ATL2: variants seen among roughly 807,000 people sequenced by gnomAD.
ATL2 encodes the protein atlastin GTPase 2, also known as atlastin-2.
ATL2 carries 31 observed loss-of-function variants against 73.9 expected under a neutral mutation model. The ratio of observed to expected loss-of-function variants is 0.42; its 90% CI spans 0.32 to 0.57. The LOEUF is 0.57. ATL2 is among the 20% of genes least tolerant of loss of function. The pLI is 0.14. For synonymous variants in ATL2, 291 were observed against 237.5 expected, an observed-to-expected ratio of 1.23 and a Z score of -2.07; for missense variants, 738 against 702.6, an observed-to-expected ratio of 1.05 and a Z score of -0.57.
At chr2:38,355,237 C>G (rs1457767320) in intron 1 of ATL2, among the ~76,000 whole-genome samples, 1 of 152,094 alleles carries the variant, frequency 6.6e-6, no homozygotes, top group East Asian at 1.9e-4. Context: ...AGCAATTCTC[C>G]TGTCTCAGCC....
chr2:38,378,388 C>T (rs1182206377), upstream of ATL2, among the ~76,000 whole-genome samples: 3 of 152,132 alleles, frequency 2.0e-5, no homozygotes, highest in Admixed American at 1.3e-4. Context: ...TACAGTCCCC[C>T]GCCACCACAC....
chr2:38,321,063 G>A (rs897873596), intron 2 of ATL2, among the ~76,000 whole-genome samples: 1 of 152,168 alleles, frequency 6.6e-6, no homozygotes, highest in African/African-American at 2.4e-5. Context: ...GCTGAGGGAG[G>A]AGAATCGCTT....
At chr2:38,323,775 C>T (rs995571623) in intron 2 of ATL2, among the ~76,000 whole-genome samples, 1 of 152,120 alleles carries the variant, frequency 6.6e-6, no homozygotes, top group African/African-American at 2.4e-5. Context: ...AGCAATGGCA[C>T]GATCATAGCT....
At chr2:38,327,889 T>A (rs1041638108) in intron 2 of ATL2, among the ~76,000 whole-genome samples, 1 of 152,160 alleles carries the variant, frequency 6.6e-6, no homozygotes, top group African/African-American at 2.4e-5. Context: ...TGAGCCGAGA[T>A]TGTGCCACCG....
intron 1 of ATL2, among the ~76,000 whole-genome samples, chr2:38,344,128 T>C (rs1223868377): frequency 6.6e-6 from 1 of 152,164 alleles, no homozygotes; most frequent in Non-Finnish European, 1.5e-5. Context: ...TCATTGAGAA[T>C]GTTCATGTCA....
intron 9 of ATL2, among the ~76,000 whole-genome samples, chr2:38,305,496 C>A (rs888938927): frequency 6.6e-6 from 1 of 152,088 alleles, no homozygotes; most frequent in Non-Finnish European, 1.5e-5. Context: ...TTGCAGTGAG[C>A]CGAGACTGCT....
At chr2:38,343,538 G>C in intron 1 of ATL2, 26 bp from the exon 2 acceptor site, 1 of 1,591,248 alleles carries the variant, frequency 6.3e-7, no homozygotes, top group Non-Finnish European at 8.6e-7. Flanking sequence ...AAAGAAACTG[G>C]TTACTTTAAT....
intron 1 of ATL2, among the ~76,000 whole-genome samples, chr2:38,346,807 C>G (rs1461200571): frequency 6.6e-6 from 1 of 152,034 alleles, no homozygotes; most frequent in Admixed American, 6.6e-5. Flanking sequence ...GTCCACGGCC[C>G]TAGGGTTGGG....
chr2:38,295,963 A>T lies in ATL2; in HGVS notation c.*31T>A. ...CATTGTACAGCAAGCATGAAAAAAA[A>T]AGAGAGTGGAGTCCGTGAGGAGATG... On this transcript the variant is annotated 3_prime_UTR_variant, in exon 13 of 13. Transcript: ENST00000378954. The T allele has an allele frequency of 6.7e-7, 1 of 1,484,950 alleles. No homozygotes were observed. Among genetic ancestry groups the T allele is most frequent in the Non-Finnish European group, 9.1e-7 (1 of 1,096,100 alleles). 92.0% of individuals were successfully genotyped at this position (1,484,950 alleles called of 1,614,324 possible).
rs146678818 is a variant in ATL2, at chr2:38,363,759, T to C, written c.118+13384A>G. ...CTGGTAACTAGAGAGCAAGGCACTA[T>C]ACTAGACAGAAGTATAATTCAATAA... On this transcript the variant is annotated intron_variant, in intron 1 of 12. Coordinates refer to ENST00000378954, the MANE Select transcript of ATL2 (RefSeq NM_001135673.4). 1.8e-3 allele frequency among the ~76,000 whole-genome samples: 270 copies of C among 152,330 alleles called. 3 individuals carry two copies. The highest frequency in any genetic ancestry group is 6.3e-3 in the African/African-American group (262 of 41,580).
intron 4 of ATL2, among the ~76,000 whole-genome samples, chr2:38,316,679 A>G (rs1668041174): frequency 6.6e-6 from 1 of 152,218 alleles, no homozygotes; most frequent in Non-Finnish European, 1.5e-5. Flanking sequence ...TTCTGACTGC[A>G]CACAACAACC....
intron 6 of ATL2, among the ~76,000 whole-genome samples, chr2:38,313,665 AT>A (rs1319324596): frequency 6.6e-6 from 1 of 152,144 alleles, no homozygotes; most frequent in Non-Finnish European, 1.5e-5. Context: ...TTTTACTCAT[AT>A]AGGGTTAGAT....
intron 2 of ATL2, among the ~76,000 whole-genome samples, chr2:38,327,634 T>C (rs1199442674): frequency 6.7e-6 from 1 of 149,958 alleles, no homozygotes; most frequent in Non-Finnish European, 1.5e-5. Context: ...ATGACCTAAA[T>C]ACACCAATTA....
intron 1 of ATL2, among the ~76,000 whole-genome samples, chr2:38,370,926 C>A: frequency 6.6e-6 from 1 of 151,300 alleles, no homozygotes; most frequent in East Asian, 1.9e-4. Flanking sequence ...CCACTGCACT[C>A]CAGCCTGTGC....
At chr2:38,364,521 C>A (rs1323709407) in intron 1 of ATL2, among the ~76,000 whole-genome samples, 2 of 152,334 alleles carry the variant, frequency 1.3e-5, no homozygotes, top group East Asian at 3.9e-4. Context: ...AAACATCATT[C>A]TCTGTGGCCT....
intron 2 of ATL2, among the ~76,000 whole-genome samples, chr2:38,336,675 T>A (rs1669374056): frequency 6.6e-6 from 1 of 152,236 alleles, no homozygotes; most frequent in Admixed American, 6.5e-5. Context: ...GGCTCTGGCA[T>A]CAAATTGCCT....
rs368031693 is a variant in ATL2, at chr2:38,319,066, A to G, written c.364-47T>C. On this transcript the variant is annotated intron_variant, in intron 2 of 12. Transcript: ENST00000378954. Reference sequence around the variant, plus strand: ...GTAAAATACAACACAATTAAGAAATAAAAGAAACCAAAAAATCACCCATTC... The same window carrying G: ...GTAAAATACAACACAATTAAGAAATGAAAGAAACCAAAAAATCACCCATTC... 4 of 1,563,748 alleles carry G rather than the reference A, an allele frequency of 2.6e-6. No individual in the cohort carries two copies. In the African/African-American group the frequency reaches 4.1e-5, roughly 16 times the overall value.
At chr2:38,315,227 G>A (rs1205648481) in intron 5 of ATL2, 57 bp downstream of exon 5, 4 of 1,387,972 alleles carry the variant, frequency 2.9e-6, no homozygotes, top group Admixed American at 3.6e-5. Context: ...CTCTAGTCTG[G>A]GGAACAAGAG....
intron 2 of ATL2, among the ~76,000 whole-genome samples, chr2:38,338,933 G>C (rs754416155): frequency 1.3e-5 from 2 of 152,154 alleles, no homozygotes; most frequent in Non-Finnish European, 2.9e-5. Flanking sequence ...CCTCAAAATA[G>C]TCAAGATCAC....
Sources: gnomAD v4.1 joint callset for allele counts (sites outside exome capture counted in the v4.1 genomes callset) on GRCh38, gnomAD v4.1.1 for gene constraint, MANE v1.5 for transcripts, NCBI Gene and HGNC (gene_info 2026-07-23, HGNC 2026-07-21) for gene names.